TESK2: variants seen among roughly 807,000 people sequenced by gnomAD.
TESK2 encodes the protein dual specificity testis-specific protein kinase 2.
TESK2 carries 39 observed loss-of-function variants against 57.1 expected under a neutral mutation model. The observed-to-expected ratio is 0.68, with a 90% CI of 0.53 to 0.89. The LOEUF (loss-of-function observed/expected upper bound fraction) is 0.89, where lower values mean the gene tolerates loss of function less well. TESK2 is among the 40% of genes least tolerant of loss of function. The pLI is 0.00. For missense variants in TESK2, 646 were observed against 732.1 expected (o/e 0.88, Z 1.36); for synonymous variants, 249 against 267.9 (o/e 0.93, Z 0.69).
At chr1:45,470,597 C>A (rs758948157) in intron 1 of TESK2, among the ~76,000 whole-genome samples, 1 of 152,202 alleles carries the variant, frequency 6.6e-6, no homozygotes, top group Non-Finnish European at 1.5e-5. Context: ...ATCATATTTG[C>A]TGTGTAACTT....
At chr1:45,406,615 C>CTGGGTG (rs1649860430) in intron 3 of TESK2, among the ~76,000 whole-genome samples, 1 of 152,038 alleles carries the variant, frequency 6.6e-6, no homozygotes, top group Non-Finnish European at 1.5e-5. Flanking sequence ...TGATCACACC[C>CTGGGTG]ACTGCACTCC....
intron 1 of TESK2, among the ~76,000 whole-genome samples, chr1:45,488,156 C>T (rs1653561605): frequency 6.6e-6 from 1 of 152,106 alleles, no homozygotes; most frequent in South Asian, 2.1e-4. Context: ...TCAAGCGATC[C>T]TCCCACTTCA....
chr1:45,414,970 T>C (rs977355565), intron 3 of TESK2: 3 of 610,264 alleles, frequency 4.9e-6, no homozygotes, highest in African/African-American at 1.9e-5. Context: ...AAAAAAAAGA[T>C]AGGTGCTTTG....
At chr1:45,392,451 C>G (rs777642693) in intron 3 of TESK2, among the ~76,000 whole-genome samples, 7 of 151,468 alleles carry the variant, frequency 4.6e-5, no homozygotes, top group Non-Finnish European at 7.4e-5. Context: ...GCCTGTAATC[C>G]CAGCACTTTG....
chr1:45,425,652 CA>C (rs1365832040), intron 2 of TESK2, among the ~76,000 whole-genome samples: 10 of 151,548 alleles, frequency 6.6e-5, no homozygotes, highest in South Asian at 2.1e-4. Flanking sequence ...AAGACTGTCT[CA>C]AAAACAAACA....
chr1:45,343,934 T>C lies in TESK2; in HGVS notation c.*906A>G. 1 of 443,910 alleles carries C rather than the reference T, an allele frequency of 2.3e-6. No individual in the cohort carries two copies. The highest frequency in any genetic ancestry group is 4.0e-6 in the Non-Finnish European group (1 of 251,240). 27.5% of individuals were successfully genotyped at this position (443,910 alleles called of 1,614,324 possible). A position where few individuals can be genotyped will look rare whatever the true frequency, so the allele number is the denominator to read the frequency against. On this transcript the variant is annotated 3_prime_UTR_variant, in exon 11 of 11. Transcript: ENST00000372086. This position sits in a 1 kb window ranked among gnomAD's most constrained non-coding sequence, Gnocchi z 4.3. Reference sequence around the variant, plus strand: ...AGTCTGAAAATGTCTTGGGAAAGTTTTACAAAAAAAAAAATCAACAGAAGC... The same window carrying C: ...AGTCTGAAAATGTCTTGGGAAAGTTCTACAAAAAAAAAAATCAACAGAAGC...
At chr1:45,435,444 T>G (rs541201957) in intron 2 of TESK2, among the ~76,000 whole-genome samples, 1 of 151,436 alleles carries the variant, frequency 6.6e-6, no homozygotes, top group East Asian at 1.9e-4. Flanking sequence ...TTTTTTTTTT[T>G]CTAAAGACAG....
At chr1:45,356,584 C>T (rs2149265491) in intron 4 of TESK2, among the ~76,000 whole-genome samples, 1 of 148,506 alleles carries the variant, frequency 6.7e-6, no homozygotes, top group South Asian at 2.1e-4. Flanking sequence ...CAATGCACTC[C>T]AGCCTGGGTG....
chr1:45,356,501 A>T (rs570108865), intron 4 of TESK2, among the ~76,000 whole-genome samples: 1 of 152,064 alleles, frequency 6.6e-6, no homozygotes, highest in African/African-American at 2.4e-5. Flanking sequence ...GATGGTGCAC[A>T]CATGTAGTCC....
At chr1:45,425,040 G>A (rs1325083765) in intron 2 of TESK2, among the ~76,000 whole-genome samples, 1 of 152,068 alleles carries the variant, frequency 6.6e-6, no homozygotes, top group African/African-American at 2.4e-5. Flanking sequence ...ATTTAACATA[G>A]TACTGGACAC....
chr1:45,378,886 C>G (rs2149272364), intron 4 of TESK2, among the ~76,000 whole-genome samples: 1 of 152,232 alleles, frequency 6.6e-6, no homozygotes, highest in East Asian at 1.9e-4. Context: ...TTAGGAAAAC[C>G]TGAATCACAG....
At chr1:45,470,103 G>C (rs1652704711) in intron 1 of TESK2, among the ~76,000 whole-genome samples, 1 of 152,094 alleles carries the variant, frequency 6.6e-6, no homozygotes, top group Non-Finnish European at 1.5e-5. Context: ...ATAAAGAGTA[G>C]AAAAAGACTG....
intron 2 of TESK2, among the ~76,000 whole-genome samples, chr1:45,428,925 C>A (rs1650831392): frequency 1.3e-5 from 2 of 149,626 alleles, no homozygotes. Context: ...GGGTTCACGC[C>A]ATTCTCCTGC....
chr1:45,379,262 C>A (rs1422808343), intron 4 of TESK2, among the ~76,000 whole-genome samples: 1 of 152,180 alleles, frequency 6.6e-6, no homozygotes, highest in African/African-American at 2.4e-5. Context: ...CCCTCCTGGG[C>A]TCAAGTAATC....
chr1:45,407,334 A>G (rs1649887498), intron 3 of TESK2, among the ~76,000 whole-genome samples: 1 of 152,122 alleles, frequency 6.6e-6, no homozygotes, highest in Non-Finnish European at 1.5e-5. Context: ...TGCTAGGATT[A>G]TAGGTGTGAG....
chr1:45,421,681 T>C (rs1650484713), intron 3 of TESK2, 44 bp downstream of exon 3: 6 of 1,611,172 alleles, frequency 3.7e-6, no homozygotes, highest in Middle Eastern at 3.3e-4. Context: ...AAGCCTCCAA[T>C]GTTTCAGTTT....
chr1:45,384,369 A>ATCTGTCTG (rs1553147455), intron 4 of TESK2, among the ~76,000 whole-genome samples: 28 of 134,764 alleles, frequency 2.1e-4, no homozygotes, highest in Non-Finnish European at 3.5e-4. Flanking sequence ...GTACGTATCT[A>ATCTGTCTG]TCTATCTATC....
intron 4 of TESK2, among the ~76,000 whole-genome samples, chr1:45,363,537 T>C (rs1187085709): frequency 6.6e-6 from 1 of 152,196 alleles, no homozygotes; most frequent in Non-Finnish European, 1.5e-5. Context: ...TGCACATTTG[T>C]ACACATTGCT....
intron 2 of TESK2, among the ~76,000 whole-genome samples, chr1:45,422,724 G>A (rs1650522466): frequency 9.6e-6 from 1 of 104,500 alleles, no homozygotes; most frequent in Non-Finnish European, 2.2e-5. Flanking sequence ...GATTACAGGT[G>A]TGAGCCACCA....
Sources: gnomAD v4.1 joint callset for allele counts (sites outside exome capture counted in the v4.1 genomes callset) on GRCh38, gnomAD v4.1.1 for gene constraint, Gnocchi (gnomAD v3.1) non-coding constraint, MANE v1.5 for transcripts, NCBI Gene and HGNC (gene_info 2026-07-23, HGNC 2026-07-21) for gene names.